MELK: variants seen among roughly 807,000 people sequenced by gnomAD.
MELK encodes the protein pEg3 kinase.
Under a neutral mutation model 85.0 loss-of-function variants are expected in MELK, and 81 were observed. That is an observed-to-expected ratio of 0.95 (90% confidence interval 0.80 to 1.15). MELK has a LOEUF of 1.15. Among genes scored for constraint, MELK ranks in the 50% most tolerant of loss-of-function variants. The probability of loss-of-function intolerance (pLI) is 0.00; values close to 1 mark genes in which losing one functional copy is unlikely to be tolerated. For missense variants in MELK, 754 were observed against 777.5 expected, an observed-to-expected ratio of 0.97 and a Z score of 0.36; for synonymous variants, 252 against 265.0, an observed-to-expected ratio of 0.95 and a Z score of 0.48.
intron 1 of MELK, among the ~76,000 whole-genome samples, chr9:36,576,685 C>T (rs776432047): frequency 2.0e-5 from 3 of 152,202 alleles, no homozygotes; most frequent in South Asian, 2.1e-4. Flanking sequence ...GTGTGCATCA[C>T]CACGCCCGGC....
At chr9:36,636,794 T>TCTGTCTGTCTGTCTG (rs1376599498) in intron 10 of MELK, among the ~76,000 whole-genome samples, 13 of 88,840 alleles carry the variant, frequency 1.5e-4, no homozygotes, top group African/African-American at 5.5e-4. Context: ...CTGTCTGTCT[T>TCTGTCTGTCTGTCTG]TCTTTCTTTC....
Position 36,635,056 on chromosome 9 carries a change from T to C in MELK, c.834+1856T>C, listed in dbSNP as rs370284151. On this transcript the variant is annotated intron_variant, in intron 10 of 17. Transcript: ENST00000298048. Reference sequence around the variant, plus strand: ...TTGGTATTGTAGAAGTACATTATGCTACTTCCTATTTAGTCACACAGAGTA... The same window carrying C: ...TTGGTATTGTAGAAGTACATTATGCCACTTCCTATTTAGTCACACAGAGTA... Among the ~76,000 whole-genome samples the C allele has an allele frequency of 3.3e-5, 5 of 151,726 alleles. No individual in the cohort carries two copies. In the East Asian group the frequency reaches 7.7e-4, roughly 23 times the overall value.
intron 10 of MELK, among the ~76,000 whole-genome samples, chr9:36,636,951 C>T (rs985180815): frequency 2.0e-5 from 3 of 152,046 alleles, no homozygotes; most frequent in African/African-American, 7.3e-5. Context: ...TCCCCTCCCT[C>T]GGCCTCCCGA....
intron 8 of MELK, among the ~76,000 whole-genome samples, chr9:36,620,375 T>G (rs923644254): frequency 6.6e-5 from 10 of 152,194 alleles, no homozygotes; most frequent in Non-Finnish European, 1.3e-4. Context: ...CCACGCATTT[T>G]AGGTGTCACC....
chr9:36,661,232 AAC>A (rs1831782715), intron 13 of MELK, among the ~76,000 whole-genome samples: 1 of 152,180 alleles, frequency 6.6e-6, no homozygotes, highest in South Asian at 2.1e-4. Flanking sequence ...GGCAAATTCA[AAC>A]ACCTCAAACT....
intron 1 of MELK, among the ~76,000 whole-genome samples, chr9:36,574,836 G>A (rs1821480975): frequency 6.6e-6 from 1 of 151,534 alleles, no homozygotes; most frequent in African/African-American, 2.4e-5. Context: ...CTTCTGAGAA[G>A]TTAAAGACCC....
At chr9:36,672,016 C>T (rs1037812394) in intron 16 of MELK, among the ~76,000 whole-genome samples, 4 of 152,082 alleles carry the variant, frequency 2.6e-5, no homozygotes, top group Non-Finnish European at 5.9e-5. Context: ...GTGTGCCCAT[C>T]ATTTGGGGAC....
chr9:36,589,485 A>C, intron 3 of MELK, 51 bp from the exon 4 acceptor site: 1 of 1,449,300 alleles, frequency 6.9e-7, no homozygotes, highest in Non-Finnish European at 9.7e-7. Context: ...TGGAGCTTGG[A>C]ACACCACCTG....
At position 36,674,865 on chromosome 9, in the gene MELK, T is replaced by G. The variant is rs1173026495; in HGVS notation, c.1706T>G (p.Val569Gly). 1 of 1,597,586 alleles carries G rather than the reference T, an allele frequency of 6.3e-7. No individual in the cohort carries two copies. The highest frequency in any genetic ancestry group is 1.7e-5 in the Admixed American group (1 of 59,992). The change falls in exon 17 of 18, where the codon GTG becomes GGG. Residue 569 changes from valine (V) to glycine (G), a missense_variant. By Grantham distance (109) the Val-to-Gly change is moderately radical (BLOSUM62 -3). Transcript: ENST00000298048. ...LHYNVTTTRLVNPDQLLNEIM... is the reference protein window; with the variant it reads ...LHYNVTTTRLGNPDQLLNEIM... ...TATAACGTGACTACAACTAGATTAG[T>G]GAATCCAGATCAACTGTTGAATGAA... is the stretch of plus-strand genomic sequence containing the variant.
At chr9:36,664,439 T>C (rs1184737420) in intron 13 of MELK, among the ~76,000 whole-genome samples, 1 of 152,200 alleles carries the variant, frequency 6.6e-6, no homozygotes, top group Non-Finnish European at 1.5e-5. Flanking sequence ...TTGTGCGTGC[T>C]TCTACCAGGT....
intron 8 of MELK, among the ~76,000 whole-genome samples, chr9:36,616,109 A>T (rs956885649): frequency 1.3e-5 from 2 of 152,240 alleles, no homozygotes; most frequent in African/African-American, 4.8e-5. Flanking sequence ...TTATTTTTGT[A>T]TTAACAAAAT....
chr9:36,583,423 T>A (rs544919363), intron 2 of MELK, among the ~76,000 whole-genome samples: 4 of 151,210 alleles, frequency 2.6e-5, no homozygotes, highest in African/African-American at 7.3e-5. Context: ...GTTTTTTTTT[T>A]ATTACAAAGT....
intron 14 of MELK, among the ~76,000 whole-genome samples, chr9:36,667,265 C>T (rs1408363769): frequency 1.3e-5 from 2 of 151,856 alleles, no homozygotes; most frequent in African/African-American, 4.8e-5. Flanking sequence ...AAGCGATTCT[C>T]CTGCCTCAGC....
At chr9:36,606,284 G>T (rs939017361) in intron 7 of MELK, among the ~76,000 whole-genome samples, 1 of 147,870 alleles carries the variant, frequency 6.8e-6, no homozygotes, top group Admixed American at 6.9e-5. Flanking sequence ...ATATACATAT[G>T]TATAGGTGTG....
chr9:36,593,106 C>T (rs1217227152), intron 4 of MELK, among the ~76,000 whole-genome samples: 5 of 150,590 alleles, frequency 3.3e-5, no homozygotes, highest in African/African-American at 1.2e-4. Flanking sequence ...TTGTAAGCCA[C>T]TATATCAATC....
At chr9:36,662,855 G>T (rs925936689) in intron 13 of MELK, among the ~76,000 whole-genome samples, 3 of 151,818 alleles carry the variant, frequency 2.0e-5, no homozygotes, top group Non-Finnish European at 4.4e-5. Flanking sequence ...TCACTGTTAG[G>T]GCTACTGCGT....
chr9:36,625,009 A>G (rs1827800646), intron 8 of MELK, among the ~76,000 whole-genome samples: 1 of 152,186 alleles, frequency 6.6e-6, no homozygotes, highest in African/African-American at 2.4e-5. Context: ...GGTTGTTGTA[A>G]CAAAATACTG....
Position 36,669,861 on chromosome 9 carries a change from A to C in MELK, c.1505+455A>C, listed in dbSNP as rs77382702. Among the ~76,000 whole-genome samples the C allele has an allele frequency of 8.8e-3, 920 of 104,160 alleles. 12 individuals carry two copies. The highest frequency in any genetic ancestry group is 0.032 in the African/African-American group (856 of 26,970). 68.3% of individuals were successfully genotyped at this position (104,160 alleles called of 152,430 possible). A position where few individuals can be genotyped will look rare whatever the true frequency, so the allele number is the denominator to read the frequency against. Reference sequence around the variant, plus strand: ...TCTTTTATAGCAATTTCTTAAAGGCATTGTCTATTTTCAAGACAATTGGAG... The same window carrying C: ...TCTTTTATAGCAATTTCTTAAAGGCCTTGTCTATTTTCAAGACAATTGGAG... On this transcript the variant is annotated intron_variant, in intron 15 of 17. Coordinates refer to ENST00000298048, the MANE Select transcript of MELK (RefSeq NM_014791.4).
At chr9:36,647,445 C>G (rs1049312516) in intron 11 of MELK, among the ~76,000 whole-genome samples, 1 of 151,806 alleles carries the variant, frequency 6.6e-6, no homozygotes, top group Non-Finnish European at 1.5e-5. Context: ...CCATAGTTTC[C>G]CAGCCACCTT....
Sources: allele counts gnomAD v4.1 joint callset (sites outside exome capture counted in the v4.1 genomes callset), GRCh38; gene constraint gnomAD v4.1.1; transcripts MANE v1.5; gene names NCBI Gene and HGNC (gene_info 2026-07-23, HGNC 2026-07-21).